The following PPARGC1A variants were observed in gnomAD, a reference collection of about 807,000 sequenced individuals.
PPARGC1A encodes peroxisome proliferator-activated receptor gamma coactivator 1-alpha.
A neutral mutation model predicts 88.7 loss-of-function variants in PPARGC1A; 25 were observed. The observed-to-expected ratio is 0.28, with a 90% CI of 0.21 to 0.39. The LOEUF (loss-of-function observed/expected upper bound fraction) is 0.39, where lower values mean the gene tolerates loss of function less well. Among genes scored for constraint, PPARGC1A ranks in the 10% least tolerant of loss-of-function variants. The pLI is 1.00. For missense variants in PPARGC1A, 880 were observed against 968.7 expected, an observed-to-expected ratio of 0.91 and a Z score of 1.22; for synonymous variants, 363 against 355.6, an observed-to-expected ratio of 1.02 and a Z score of -0.24.
chr4:23,904,015 T>A (rs562203619), upstream of PPARGC1A: 1 of 975,330 alleles, frequency 1.0e-6, no homozygotes, highest in East Asian at 1.1e-4. Flanking sequence ...AATCCATAGA[T>A]GATAACCCCA....
At chr4:24,008,679 A>C in the PPARGC1A span, among the ~76,000 whole-genome samples, 1 of 146,046 alleles carries the variant, frequency 6.8e-6, no homozygotes, top group Non-Finnish European at 1.5e-5. Flanking sequence ...AGTACTGAAA[A>C]TCTAACTCCT....
chr4:24,016,865 T>G, the PPARGC1A span, among the ~76,000 whole-genome samples: 2 of 152,194 alleles, frequency 1.3e-5, no homozygotes, highest in African/African-American at 4.8e-5. Context: ...AGCTGTTTCA[T>G]AGCAATTCTC....
At chr4:24,177,412 G>A in the PPARGC1A span, among the ~76,000 whole-genome samples, 1 of 150,032 alleles carries the variant, frequency 6.7e-6, no homozygotes, top group East Asian at 2.0e-4. Context: ...TGGGAATTGA[G>A]CAATGAGAAC....
At chr4:23,832,673 G>T (rs572915265) in intron 2 of PPARGC1A, among the ~76,000 whole-genome samples, 1 of 148,680 alleles carries the variant, frequency 6.7e-6, no homozygotes, top group South Asian at 2.1e-4. Context: ...GCAGTGGCGC[G>T]ATCTCGGCTC....
the PPARGC1A span, among the ~76,000 whole-genome samples, chr4:24,045,956 G>T: frequency 6.6e-6 from 1 of 152,178 alleles, no homozygotes; most frequent in Non-Finnish European, 1.5e-5. Flanking sequence ...TTCTGGTGAT[G>T]ATGGCCACAG....
the PPARGC1A span, among the ~76,000 whole-genome samples, chr4:24,277,918 TA>T: frequency 6.6e-6 from 1 of 152,246 alleles, no homozygotes; most frequent in Middle Eastern, 3.4e-3. Flanking sequence ...CTCATACCCG[TA>T]ACCCCAGGGC....
the PPARGC1A span, among the ~76,000 whole-genome samples, chr4:24,087,561 G>A: frequency 6.6e-6 from 1 of 152,136 alleles, no homozygotes; most frequent in Non-Finnish European, 1.5e-5. Flanking sequence ...GACGTGTCAC[G>A]AAGGATACAT....
At chr4:24,192,402 TAA>T in the PPARGC1A span, among the ~76,000 whole-genome samples, 4 of 152,230 alleles carry the variant, frequency 2.6e-5, no homozygotes, top group South Asian at 8.3e-4. Context: ...CCCCCAGTGC[TAA>T]GACTTATTAG....
chr4:24,340,387 CTG>C, the PPARGC1A span, among the ~76,000 whole-genome samples: 7 of 152,322 alleles, frequency 4.6e-5, no homozygotes, highest in South Asian at 8.3e-4. Context: ...GGCTATTTCT[CTG>C]TAAGATTTGC....
the PPARGC1A span, among the ~76,000 whole-genome samples, chr4:23,958,203 A>T: frequency 6.6e-6 from 1 of 152,114 alleles, no homozygotes; most frequent in African/African-American, 2.4e-5. Context: ...TTTTACAATA[A>T]TCATCATTTT....
At chr4:23,964,119 G>T in the PPARGC1A span, among the ~76,000 whole-genome samples, 28 of 152,304 alleles carry the variant, frequency 1.8e-4, no homozygotes, top group African/African-American at 6.3e-4. Context: ...GATTGCAAAT[G>T]CTTCAATGGT....
the PPARGC1A span, among the ~76,000 whole-genome samples, chr4:24,276,733 T>C: frequency 6.6e-6 from 1 of 152,132 alleles, no homozygotes; most frequent in African/African-American, 2.4e-5. Flanking sequence ...AGAGAAGAAA[T>C]AGCTTAAGTC....
At chr4:24,323,104 G>T in the PPARGC1A span, among the ~76,000 whole-genome samples, 1 of 152,290 alleles carries the variant, frequency 6.6e-6, no homozygotes, top group African/African-American at 2.4e-5. Flanking sequence ...GATCATTTGG[G>T]AAGGAAGAAA....
At chr4:24,072,165 T>C in the PPARGC1A span, among the ~76,000 whole-genome samples, 1 of 147,516 alleles carries the variant, frequency 6.8e-6, no homozygotes, top group Non-Finnish European at 1.5e-5. Context: ...TTTATTTTTA[T>C]ATTATTAAAT....
At chr4:23,965,501 T>G in the PPARGC1A span, among the ~76,000 whole-genome samples, 1 of 152,190 alleles carries the variant, frequency 6.6e-6, no homozygotes, top group Non-Finnish European at 1.5e-5. Context: ...TCATTGTGCC[T>G]CTCCGTACAG....
the PPARGC1A span, among the ~76,000 whole-genome samples, chr4:24,315,068 C>A: frequency 1.3e-5 from 2 of 150,486 alleles, no homozygotes; most frequent in East Asian, 3.9e-4. Flanking sequence ...AATCAAGGAT[C>A]AGACCAAAAG....
chr4:24,297,149 C>A, the PPARGC1A span, among the ~76,000 whole-genome samples: 1 of 152,130 alleles, frequency 6.6e-6, no homozygotes, highest in African/African-American at 2.4e-5. Context: ...TTCTGGGTAT[C>A]AAATCAAGGC....
At chr4:24,417,502 G>A in the PPARGC1A span, among the ~76,000 whole-genome samples, 9 of 152,146 alleles carry the variant, frequency 5.9e-5, no homozygotes, top group Non-Finnish European at 1.2e-4. Context: ...AACCTCTCTG[G>A]GTGTATGTAA....
intron 5 of PPARGC1A, among the ~76,000 whole-genome samples, chr4:23,825,610 A>T (rs1340595660): frequency 1.3e-5 from 2 of 152,144 alleles, no homozygotes; most frequent in Non-Finnish European, 2.9e-5. Flanking sequence ...GCATTCAACG[A>T]CTTTAAAGTA....
Sources: allele counts gnomAD v4.1 joint callset (sites outside exome capture counted in the v4.1 genomes callset), GRCh38; gene constraint gnomAD v4.1.1; transcripts MANE v1.5; gene names NCBI Gene and HGNC (gene_info 2026-07-23, HGNC 2026-07-21).